Variants in BCAS3 observed in about 807,000 individuals in gnomAD.
The protein encoded by BCAS3 is BCAS3 microtubule associated cell migration factor, also known as BCAS4/BCAS3 fusion.
Under a neutral mutation model 116.1 loss-of-function variants are expected in BCAS3, and 53 were observed. The observed-to-expected ratio is 0.46, with a 90% CI of 0.37 to 0.57. The LOEUF is 0.57. Ranked by LOEUF, BCAS3 falls within the 20% of genes least tolerant of loss-of-function variation. The pLI is 0.00. For synonymous variants in BCAS3, 391 were observed against 408.2 expected (o/e 0.96, Z 0.51); for missense variants, 917 against 1,165.4 (o/e 0.79, Z 3.10).
At chr17:61,080,772 A>C (rs2072522925) in intron 21 of BCAS3, among the ~76,000 whole-genome samples, 1 of 152,184 alleles carries the variant, frequency 6.6e-6, no homozygotes. Context: ...AACAACAAAC[A>C]AACCAACACA....
rs974782274 is a variant in BCAS3 at position 60,993,465 on chromosome 17, A to G, written c.1486+3230A>G. 1.3e-5 allele frequency among the ~76,000 whole-genome samples: 2 copies of G among 152,214 alleles called. No homozygotes were observed. Among genetic ancestry groups the G allele is most frequent in the Admixed American group, 6.5e-5 (1 of 15,290 alleles). ...GAAAGCAAGGAATTTCAGGCAGCCTATTCCTCCTGATAGATAACACGTGTT... is the reference window on the plus strand; with the variant it reads ...GAAAGCAAGGAATTTCAGGCAGCCTGTTCCTCCTGATAGATAACACGTGTT... On this transcript the variant is annotated intron_variant, in intron 15 of 23. Transcript: ENST00000407086. The surrounding 1 kb of genome is among the most constrained non-coding windows in gnomAD (Gnocchi z 4.2).
At chr17:61,061,930 G>A (rs932261103) in intron 19 of BCAS3, among the ~76,000 whole-genome samples, 1 of 152,066 alleles carries the variant, frequency 6.6e-6, no homozygotes, top group Non-Finnish European at 1.5e-5. Flanking sequence ...AAACAGATAC[G>A]GAGACATTAT....
chr17:61,128,291 C>T lies in BCAS3; in HGVS notation c.2425+43727C>T, dbSNP rs531957606. ...TTTGACTTAAATCAGATTTCATCTA[C>T]GGCTGAGATGCAGAGGAGAGACTTA... On this transcript the variant is annotated intron_variant, in intron 22 of 23. Coordinates refer to ENST00000407086, the MANE Select transcript of BCAS3 (RefSeq NM_017679.5). This position sits in a 1 kb window ranked among gnomAD's most constrained non-coding sequence, Gnocchi z 4.1. 638 of 985,358 alleles carry T rather than the reference C, an allele frequency of 6.5e-4. 1 individual carries two copies. Among genetic ancestry groups the T allele is most frequent in the Non-Finnish European group, 7.4e-4 (610 of 829,904 alleles). 61.0% of individuals were successfully genotyped at this position (985,358 alleles called of 1,614,324 possible). A position where few individuals can be genotyped will look rare whatever the true frequency, so the allele number is the denominator to read the frequency against.
chr17:61,110,972 G>A (rs1348325421), intron 22 of BCAS3, among the ~76,000 whole-genome samples: 1 of 152,146 alleles, frequency 6.6e-6, no homozygotes, highest in African/African-American at 2.4e-5. Context: ...CCCAGCAGGG[G>A]CACACTGACA....
At position 61,056,656 on chromosome 17, in the gene BCAS3, C is replaced by T. The variant is rs1365419593; in HGVS notation, c.2029+15764C>T. 6.6e-6 allele frequency among the ~76,000 whole-genome samples: 1 copy of T among 152,032 alleles called. No homozygotes were observed. Among genetic ancestry groups the T allele is most frequent in the African/African-American group, 2.4e-5 (1 of 41,394 alleles). On this transcript the variant is annotated intron_variant, in intron 19 of 23. Coordinates refer to ENST00000407086, the MANE Select transcript of BCAS3 (RefSeq NM_017679.5). The surrounding 1 kb of genome is among the most constrained non-coding windows in gnomAD (Gnocchi z 4.9). ...TATTTTATTAAAAATACATGAGCTACACAGAGATTTGAAGAAACTCAGTTT... is the reference window on the plus strand; with the variant it reads ...TATTTTATTAAAAATACATGAGCTATACAGAGATTTGAAGAAACTCAGTTT...
rs890681326 is a variant in BCAS3 at position 61,118,633 on chromosome 17, G to T, written c.2425+34069G>T. ...GCCTTTCCCACTGTGGGTGGTGGGG[G>T]TGCTGCAAGTTTTTGTGTGGCGTTT... On this transcript the variant is annotated intron_variant, in intron 22 of 23. Transcript: ENST00000407086. The surrounding 1 kb of genome is among the most constrained non-coding windows in gnomAD (Gnocchi z 5.0). 2.0e-4 allele frequency among the ~76,000 whole-genome samples: 30 copies of T among 152,138 alleles called. No homozygotes were observed. Among genetic ancestry groups the T allele is most frequent in the Admixed American group, 2.6e-4 (4 of 15,284 alleles).
chr17:61,123,642 G>A (rs1308458365), intron 22 of BCAS3, among the ~76,000 whole-genome samples: 1 of 151,552 alleles, frequency 6.6e-6, no homozygotes, highest in Non-Finnish European at 1.5e-5. Flanking sequence ...GGGAGTGGGG[G>A]TACTCAGTCC....
chr17:60,971,590 G>GT, intron 14 of BCAS3, among the ~76,000 whole-genome samples: 1 of 152,158 alleles, frequency 6.6e-6, no homozygotes, highest in African/African-American at 2.4e-5. Flanking sequence ...GCATCATCAG[G>GT]TTTCATCTTA....
At chr17:61,232,222 G>C (rs202152710) in intron 22 of BCAS3, among the ~76,000 whole-genome samples, 6 of 104,910 alleles carry the variant, frequency 5.7e-5, no homozygotes, top group Admixed American at 1.0e-4. Context: ...AAAAAAAAAA[G>C]AAAGAGAAAA....
At chr17:61,201,077 A>T (rs1295419866) in intron 22 of BCAS3, among the ~76,000 whole-genome samples, 1 of 152,242 alleles carries the variant, frequency 6.6e-6, no homozygotes, top group East Asian at 1.9e-4. Context: ...AAAAATTAGG[A>T]GGTCTCTTTT....
intron 22 of BCAS3, among the ~76,000 whole-genome samples, chr17:61,296,719 G>C (rs2052945437): frequency 2.0e-5 from 3 of 152,106 alleles, no homozygotes; most frequent in Admixed American, 6.5e-5. Flanking sequence ...AAAAATTATT[G>C]ACTAAACCAA....
intron 22 of BCAS3, among the ~76,000 whole-genome samples, chr17:61,146,666 T>C (rs2077233210): frequency 6.6e-6 from 1 of 152,218 alleles, no homozygotes; most frequent in African/African-American, 2.4e-5. Context: ...GCTGGTCCAC[T>C]GATGATGTTC....
chr17:60,854,365 G>T lies in BCAS3; in HGVS notation c.477-14211G>T, dbSNP rs548029203. ...ATAGTGCCGCAATGAACATACGTGT[G>T]CATGTGTCTTTATAGCAGTATGATT... is the stretch of plus-strand genomic sequence containing the variant. On this transcript the variant is annotated intron_variant, in intron 7 of 23. Coordinates refer to ENST00000407086, the MANE Select transcript of BCAS3 (RefSeq NM_017679.5). Among the ~76,000 whole-genome samples the T allele has an allele frequency of 1.8e-4, 27 of 152,288 alleles. No homozygotes were observed. In the East Asian group the frequency reaches 5.0e-3, roughly 28 times the overall value.
At chr17:60,984,086 C>G (rs1221974124) in intron 14 of BCAS3, among the ~76,000 whole-genome samples, 1 of 152,186 alleles carries the variant, frequency 6.6e-6, no homozygotes, top group Non-Finnish European at 1.5e-5. Flanking sequence ...AGTTAAATTT[C>G]TCAGCTTTTA....
rs1190244713 is a variant in BCAS3, at chr17:61,186,249, C to A, written c.2425+101685C>A. ...TGATATGATAGCTTATTTATATATT[C>A]ATACACATTCTATAAAACCATTTTT... On this transcript the variant is annotated intron_variant, in intron 22 of 23. Transcript: ENST00000407086. This position sits in a 1 kb window ranked among gnomAD's most constrained non-coding sequence, Gnocchi z 4.9. Among the ~76,000 whole-genome samples the A allele has an allele frequency of 1.3e-5, 2 of 152,016 alleles. No homozygotes were observed. Among genetic ancestry groups the A allele is most frequent in the East Asian group, 1.9e-4 (1 of 5,188 alleles).
At chr17:61,040,770 T>G in intron 18 of BCAS3, 22 bp from the exon 19 acceptor site, 1 of 1,584,042 alleles carries the variant, frequency 6.3e-7, no homozygotes, top group Non-Finnish European at 8.7e-7. Flanking sequence ...TAAATATTAA[T>G]ATTCTTCTCC....
chr17:61,026,902 A>G lies in BCAS3; in HGVS notation c.1638-7764A>G. 1 of 1,602,008 alleles carries G rather than the reference A, an allele frequency of 6.2e-7. No homozygotes were observed. The highest frequency in any genetic ancestry group is 1.7e-5 in the Admixed American group (1 of 58,698). Reference sequence around the variant, plus strand: ...TTGGAGCGGGGTGTTTTTCCATAAAAGCCCCATGGTGAGTTCCAGTTCAGT... The same window carrying G: ...TTGGAGCGGGGTGTTTTTCCATAAAGGCCCCATGGTGAGTTCCAGTTCAGT... On this transcript the variant is annotated intron_variant, in intron 16 of 23. Transcript: ENST00000407086. This position sits in a 1 kb window ranked among gnomAD's most constrained non-coding sequence, Gnocchi z 5.0.
chr17:61,079,687 C>G (rs1441913106), intron 21 of BCAS3, among the ~76,000 whole-genome samples: 1 of 151,798 alleles, frequency 6.6e-6, no homozygotes, highest in African/African-American at 2.4e-5. Context: ...CCTCTGTCTC[C>G]TGGGTTCAAG....
chr17:61,204,178 A>AGG lies in BCAS3; in HGVS notation c.2425+119616_2425+119617dup, dbSNP rs1197866410. Among the ~76,000 whole-genome samples, 3 of 152,202 alleles carry AGG rather than the reference A, an allele frequency of 2.0e-5. No homozygotes were observed. Among genetic ancestry groups the AGG allele is most frequent in the Non-Finnish European group, 4.4e-5 (3 of 68,028 alleles). On this transcript the variant is annotated intron_variant, in intron 22 of 23. Coordinates refer to ENST00000407086, the MANE Select transcript of BCAS3 (RefSeq NM_017679.5). The surrounding 1 kb of genome is among the most constrained non-coding windows in gnomAD (Gnocchi z 4.2). ...ACAACTTTTCCGGAAATTTTCACAG[A>AGG]GGGAGAGAAACTCTCCCTCCTCTTT...
Sources: allele counts gnomAD v4.1 joint callset (sites outside exome capture counted in the v4.1 genomes callset), GRCh38; gene constraint gnomAD v4.1.1; non-coding constraint Gnocchi (gnomAD v3.1); transcripts MANE v1.5; gene names NCBI Gene and HGNC (gene_info 2026-07-23, HGNC 2026-07-21).